The following TBCK variants were observed in gnomAD, a reference collection of about 807,000 sequenced individuals.
TBCK encodes TBC domain-containing protein kinase-like protein.
TBCK carries 99 observed loss-of-function variants against 113.4 expected under a neutral mutation model. The ratio of observed to expected loss-of-function variants is 0.87; its 90% CI spans 0.74 to 1.03. The LOEUF (loss-of-function observed/expected upper bound fraction) is 1.03, where lower values mean the gene tolerates loss of function less well. TBCK is among the 50% of genes least tolerant of loss of function. TBCK has a pLI of 0.00. For synonymous variants in TBCK, 369 were observed against 370.8 expected (o/e 1.00, Z 0.05); for missense variants, 1,045 against 1,061.3 (o/e 0.98, Z 0.21).
At chr4:106,074,024 C>A (rs1379230387) in intron 25 of TBCK, among the ~76,000 whole-genome samples, 2 of 152,198 alleles carry the variant, frequency 1.3e-5, no homozygotes, top group Non-Finnish European at 1.5e-5. Context: ...TCTGTCATGG[C>A]TTCCCTTGGC....
chr4:106,257,164 A>C (rs2150083398), intron 5 of TBCK, among the ~76,000 whole-genome samples: 1 of 152,298 alleles, frequency 6.6e-6, no homozygotes, highest in East Asian at 1.9e-4. Context: ...CCCAGTGCCT[A>C]GAAATAAAAG....
chr4:106,190,707 A>G (rs1036088940), intron 22 of TBCK, among the ~76,000 whole-genome samples: 21 of 152,178 alleles, frequency 1.4e-4, no homozygotes, highest in African/African-American at 4.6e-4. Flanking sequence ...CGCAGAACAC[A>G]TTCAATCTAA....
chr4:106,056,514 T>C (rs1198831588), intron 25 of TBCK, among the ~76,000 whole-genome samples: 2 of 151,722 alleles, frequency 1.3e-5, no homozygotes, highest in Admixed American at 6.6e-5. Context: ...TGTCTGCACA[T>C]TTAATTAGTT....
At chr4:106,051,914 G>A (rs1217133522) in intron 25 of TBCK, among the ~76,000 whole-genome samples, 1 of 151,786 alleles carries the variant, frequency 6.6e-6, no homozygotes, top group East Asian at 1.9e-4. Flanking sequence ...GCTGTGGCAA[G>A]GATTAGTAGG....
intron 23 of TBCK, among the ~76,000 whole-genome samples, chr4:106,135,383 A>G (rs1746436313): frequency 6.6e-6 from 1 of 152,094 alleles, no homozygotes; most frequent in African/African-American, 2.4e-5. Flanking sequence ...AGGCAATATA[A>G]CAGTAACAGA....
Position 106,112,197 on chromosome 4 carries a change from G to A in TBCK, c.2411+4006C>T, listed in dbSNP as rs187625936. Among the ~76,000 whole-genome samples, 408 of 152,274 alleles carry A rather than the reference G, an allele frequency of 2.7e-3. 3 individuals carry two copies. Among genetic ancestry groups the A allele is most frequent in the Non-Finnish European group, 4.5e-3 (308 of 68,018 alleles). On this transcript the variant is annotated intron_variant, in intron 24 of 25. Coordinates refer to ENST00000394708, the MANE Select transcript of TBCK (RefSeq NM_001163435.3). The stretch of plus-strand genomic sequence containing the variant: ...GTCATTTATTCAGGATGCAGATGAT[G>A]CAATCAGTTGCTAGGTTATGACCCT...
intron 19 of TBCK, among the ~76,000 whole-genome samples, chr4:106,214,280 G>A (rs1423248056): frequency 1.3e-5 from 2 of 152,296 alleles, no homozygotes; most frequent in Admixed American, 1.3e-4. Flanking sequence ...AAACAGAACA[G>A]AAAAACTGGA....
chr4:106,180,157 T>C (rs890008191), intron 22 of TBCK, among the ~76,000 whole-genome samples: 2 of 151,930 alleles, frequency 1.3e-5, no homozygotes, highest in Non-Finnish European at 2.9e-5. Flanking sequence ...TATAGTTGTG[T>C]CTTTTTTTTT....
chr4:106,082,978 G>A (rs1436369204), intron 25 of TBCK, among the ~76,000 whole-genome samples: 2 of 152,222 alleles, frequency 1.3e-5, no homozygotes, highest in Admixed American at 6.5e-5. Flanking sequence ...ATACACTTGC[G>A]AACCCATTCC....
At chr4:106,132,002 C>T (rs186429773) in intron 23 of TBCK, among the ~76,000 whole-genome samples, 12 of 152,140 alleles carry the variant, frequency 7.9e-5, no homozygotes, top group Admixed American at 7.9e-4. Flanking sequence ...GAAGAAATTT[C>T]CAAGTTGTAA....
chr4:106,225,640 G>C (rs542353756), intron 19 of TBCK, among the ~76,000 whole-genome samples: 2 of 151,890 alleles, frequency 1.3e-5, no homozygotes, highest in Non-Finnish European at 2.9e-5. Flanking sequence ...TGTATTTTTA[G>C]TAGAGACAGG....
At chr4:106,217,167 A>C (rs1292499158) in intron 19 of TBCK, among the ~76,000 whole-genome samples, 1 of 151,826 alleles carries the variant, frequency 6.6e-6, no homozygotes, top group Non-Finnish European at 1.5e-5. Context: ...AAATTCAACA[A>C]CCCTTCATGC....
At chr4:106,266,688 T>G (rs1763027350) in intron 3 of TBCK, among the ~76,000 whole-genome samples, 1 of 151,930 alleles carries the variant, frequency 6.6e-6, no homozygotes, top group Non-Finnish European at 1.5e-5. Context: ...CAATCTGATT[T>G]GCTTTTCTGT....
chr4:106,250,560 A>G, intron 6 of TBCK, 82 bp from the exon 7 acceptor site: 1 of 720,598 alleles, frequency 1.4e-6, no homozygotes, highest in African/African-American at 1.9e-5. Context: ...TATAGCTGAA[A>G]CTGATTTTAT....
At chr4:106,077,086 T>C (rs763321537) in intron 25 of TBCK, among the ~76,000 whole-genome samples, 3 of 151,820 alleles carry the variant, frequency 2.0e-5, no homozygotes, top group Non-Finnish European at 2.9e-5. Flanking sequence ...GGGAGATAGA[T>C]AGAGCAAGAG....
intron 23 of TBCK, among the ~76,000 whole-genome samples, chr4:106,169,027 G>T (rs1489691244): frequency 6.6e-6 from 1 of 151,968 alleles, no homozygotes; most frequent in African/African-American, 2.4e-5. Context: ...TGCTCAATCA[G>T]TAAGTATAAT....
intron 3 of TBCK, among the ~76,000 whole-genome samples, chr4:106,283,753 TG>T (rs536813214): frequency 6.6e-6 from 1 of 151,226 alleles, no homozygotes; most frequent in African/African-American, 2.4e-5. Context: ...CCTTTTCCTC[TG>T]GGGGAAAAAA....
At chr4:106,075,263 G>C (rs1268621952) in intron 25 of TBCK, among the ~76,000 whole-genome samples, 1 of 152,162 alleles carries the variant, frequency 6.6e-6, no homozygotes, top group Non-Finnish European at 1.5e-5. Context: ...AAGATACATT[G>C]CTATAAAAAT....
At chr4:106,098,669 T>G (rs929681072) in intron 24 of TBCK, among the ~76,000 whole-genome samples, 2 of 152,102 alleles carry the variant, frequency 1.3e-5, no homozygotes, top group African/African-American at 4.8e-5. Flanking sequence ...ATCCAGTTAT[T>G]GTAGCAGTCA....
Sources: gnomAD v4.1 joint callset for allele counts (sites outside exome capture counted in the v4.1 genomes callset) on GRCh38, gnomAD v4.1.1 for gene constraint, MANE v1.5 for transcripts, NCBI Gene and HGNC (gene_info 2026-07-23, HGNC 2026-07-21) for gene names.